The following NEDD1 variants were observed in gnomAD, a reference collection of about 807,000 sequenced individuals.
NEDD1 encodes the protein NEDD1 gamma-tubulin ring complex targeting factor.
NEDD1 carries 33 observed loss-of-function variants against 74.0 expected under a neutral mutation model. The ratio of observed to expected loss-of-function variants is 0.45; its 90% CI spans 0.34 to 0.60. The LOEUF (loss-of-function observed/expected upper bound fraction) is 0.60, where lower values mean the gene tolerates loss of function less well. Ranked by LOEUF, NEDD1 falls within the 20% of genes least tolerant of loss-of-function variation. NEDD1 has a pLI of 0.01. For synonymous variants in NEDD1, 250 were observed against 264.4 expected, an observed-to-expected ratio of 0.95 and a Z score of 0.53; for missense variants, 746 against 776.5, an observed-to-expected ratio of 0.96 and a Z score of 0.47.
intron 6 of NEDD1, among the ~76,000 whole-genome samples, chr12:96,933,137 T>G (rs956275291): frequency 1.3e-5 from 2 of 149,242 alleles, no homozygotes; most frequent in African/African-American, 2.4e-5. Flanking sequence ...GGTAAGCTCC[T>G]TGTTGTTTGA....
intron 2 of NEDD1, among the ~76,000 whole-genome samples, chr12:96,908,977 G>A (rs1286956169): frequency 6.6e-6 from 1 of 152,066 alleles, no homozygotes; most frequent in East Asian, 1.9e-4. Flanking sequence ...AGGAGTTCGA[G>A]ACCAGCCTGA....
chr12:96,930,886 G>C (rs1876392932), intron 6 of NEDD1, among the ~76,000 whole-genome samples: 1 of 152,136 alleles, frequency 6.6e-6, no homozygotes, highest in African/African-American at 2.4e-5. Flanking sequence ...CAGAAACTCT[G>C]CCACCACCAT....
intron 4 of NEDD1, among the ~76,000 whole-genome samples, chr12:96,914,496 C>T (rs1489561142): frequency 6.6e-6 from 1 of 152,062 alleles, no homozygotes; most frequent in Non-Finnish European, 1.5e-5. Context: ...TTCAAATTTT[C>T]AATCTATTTT....
At chr12:96,927,565 A>G (rs971661931) in intron 6 of NEDD1, among the ~76,000 whole-genome samples, 6 of 152,308 alleles carry the variant, frequency 3.9e-5, no homozygotes, top group Non-Finnish European at 7.4e-5. Flanking sequence ...ACAAATGTCA[A>G]TCTATTGTAT....
At chr12:96,912,602 C>A (rs550801194) in intron 3 of NEDD1, 121 bp from the exon 4 acceptor site, 12 of 549,442 alleles carry the variant, frequency 2.2e-5, no homozygotes, top group Admixed American at 3.4e-5. Flanking sequence ...GAAAGCTACT[C>A]TGTAAGCTAT....
intron 10 of NEDD1, among the ~76,000 whole-genome samples, chr12:96,942,205 A>T (rs890277397): frequency 1.4e-4 from 21 of 152,220 alleles, no homozygotes; most frequent in South Asian, 2.1e-4. Flanking sequence ...CATTTTATAG[A>T]TGCAGAAACT....
intron 14 of NEDD1, 96 bp from the exon 15 acceptor site, chr12:96,951,336 G>A: frequency 3.2e-6 from 2 of 628,484 alleles, no homozygotes; most frequent in Non-Finnish European, 2.8e-6. Context: ...TTAACATTCA[G>A]TAATTTGGCA....
chr12:96,943,166 G>T (rs1311461332), intron 11 of NEDD1, among the ~76,000 whole-genome samples: 1 of 152,022 alleles, frequency 6.6e-6, no homozygotes, highest in East Asian at 1.9e-4. Context: ...AAAGGCAGGG[G>T]TCATTAGAAG....
chr12:96,908,983 C>A (rs765736600), intron 2 of NEDD1, among the ~76,000 whole-genome samples: 9 of 151,962 alleles, frequency 5.9e-5, no homozygotes, highest in Non-Finnish European at 1.3e-4. Flanking sequence ...TCGAGACCAG[C>A]CTGACCAACA....
chr12:96,932,442 TAAAAA>T lies in NEDD1; in HGVS notation c.490-2516_490-2512del, dbSNP rs747225218. ...GGCAAAATGGCAAAATCCTGTCTCTTAAAAAAAAAAAAAAAAAAAAAATATATATA... is the reference window on the plus strand; with the variant it reads ...GGCAAAATGGCAAAATCCTGTCTCTTAAAAAAAAAAAAAAAAATATATATA... On this transcript the variant is annotated intron_variant, in intron 6 of 15. Coordinates refer to ENST00000266742, the MANE Select transcript of NEDD1 (RefSeq NM_152905.4). Among the ~76,000 whole-genome samples, 58 of 10,602 alleles carry T rather than the reference TAAAAA, an allele frequency of 5.5e-3. 1 individual carries two copies. The highest frequency in any genetic ancestry group is 8.6e-3 in the South Asian group (3 of 350). The allele number at this position is 10,602 out of a possible 152,430, so 7.0% of individuals were successfully genotyped here.
At chr12:96,932,463 A>AAAAAAAAAAAAATATATAT in intron 6 of NEDD1, among the ~76,000 whole-genome samples, 1 of 9,436 alleles carries the variant, frequency 1.1e-4, no homozygotes, top group African/African-American at 3.4e-4. Flanking sequence ...AAAAAAAAAA[A>AAAAAAAAAAAAATATATAT]ATATATATAT....
At position 96,907,318 on chromosome 12, in the gene NEDD1, C is replaced by A; in HGVS notation, c.-262+18C>A. 2.8e-6 allele frequency: 1 copy of A among 359,470 alleles called. No individual in the cohort carries two copies. Among genetic ancestry groups the A allele is most frequent in the Non-Finnish European group, 4.9e-6 (1 of 202,412 alleles). The allele number at this position is 359,470 out of a possible 1,614,324, so 22.3% of individuals were successfully genotyped here. On this transcript the variant is annotated intron_variant, in intron 1 of 15. Transcript: ENST00000266742. Reference sequence around the variant, plus strand: ...GCGGAGAGGTGAGGTTCCGGAGGCCCTGAGGTCAGCGGGCCCCCGCCCGCC... The same window carrying A: ...GCGGAGAGGTGAGGTTCCGGAGGCCATGAGGTCAGCGGGCCCCCGCCCGCC...
Position 96,952,114 on chromosome 12 carries a change from A to G in NEDD1, c.*61A>G, listed in dbSNP as rs1878769642. 2.3e-6 allele frequency: 2 copies of G among 884,578 alleles called. No homozygotes were observed. Among genetic ancestry groups the G allele is most frequent in the South Asian group, 1.4e-5 (1 of 73,096 alleles). 54.8% of individuals were successfully genotyped at this position (884,578 alleles called of 1,614,324 possible). A position where few individuals can be genotyped will look rare whatever the true frequency, so the allele number is the denominator to read the frequency against. The stretch of plus-strand genomic sequence containing the variant: ...GAAGTTTCTGGCAACACAGAACTAC[A>G]TAGAATCAGTATTGTTTTCATGGCC... On this transcript the variant is annotated 3_prime_UTR_variant, in exon 16 of 16. Coordinates refer to ENST00000266742, the MANE Select transcript of NEDD1 (RefSeq NM_152905.4).
intron 9 of NEDD1, 139 bp from the exon 10 acceptor site, chr12:96,940,270 A>G (rs1343168942): frequency 1.3e-5 from 6 of 457,654 alleles, no homozygotes; most frequent in Non-Finnish European, 1.9e-5. Context: ...AGCTCTTGTC[A>G]TATTCTGTTT....
intron 6 of NEDD1, among the ~76,000 whole-genome samples, chr12:96,927,522 C>T (rs1875844900): frequency 6.6e-6 from 1 of 152,198 alleles, no homozygotes; most frequent in Non-Finnish European, 1.5e-5. Flanking sequence ...CTTGTGTTAT[C>T]TTTCTCAAGC....
At chr12:96,910,963 T>G (rs928616407) in intron 3 of NEDD1, among the ~76,000 whole-genome samples, 2 of 152,228 alleles carry the variant, frequency 1.3e-5, no homozygotes, top group African/African-American at 4.8e-5. Flanking sequence ...TTTATATGAC[T>G]TACTATTCTT....
At chr12:96,909,700 G>T in intron 2 of NEDD1, 52 bp from the exon 3 acceptor site, 9 of 1,447,788 alleles carry the variant, frequency 6.2e-6, no homozygotes, top group Admixed American at 3.8e-5. Flanking sequence ...CTTTTTTTGA[G>T]TATGTCTATT....
chr12:96,923,350 A>G (rs200217415), intron 6 of NEDD1, among the ~76,000 whole-genome samples: 1 of 89,654 alleles, frequency 1.1e-5, no homozygotes, highest in Non-Finnish European at 3.0e-5. Context: ...TTTAAGATAC[A>G]TGTTTTTATT....
chr12:96,926,865 T>C (rs1461004052), intron 6 of NEDD1, among the ~76,000 whole-genome samples: 1 of 151,866 alleles, frequency 6.6e-6, no homozygotes, highest in African/African-American at 2.4e-5. Context: ...TGCGCGCCTA[T>C]AGTCCTAGCT....
Sources: gnomAD v4.1 joint callset for allele counts (sites outside exome capture counted in the v4.1 genomes callset) on GRCh38, gnomAD v4.1.1 for gene constraint, MANE v1.5 for transcripts, NCBI Gene and HGNC (gene_info 2026-07-23, HGNC 2026-07-21) for gene names.